Variants in MBP observed in about 807,000 individuals in gnomAD.
The protein encoded by MBP is Golli-MBP.
Under a neutral mutation model 35.8 loss-of-function variants are expected in MBP, and 16 were observed. The observed-to-expected ratio is 0.45, with a 90% confidence interval of 0.30 to 0.68. The LOEUF is 0.68. MBP is among the 30% of genes least tolerant of loss of function. The pLI is 0.08. For missense variants in MBP, 380 were observed against 404.7 expected (o/e 0.94, Z 0.52); for synonymous variants, 143 against 159.6 (o/e 0.90, Z 0.78).
rs1303444190 is a variant in MBP at position 77,132,014 on chromosome 18, G to A, written c.-26+566C>T. Reference sequence around the variant, plus strand: ...GCCCCGGGGGCAGGGGCAGGAGCGCGATCGCGCGCGGGGCCCCCGGGGTGT... The same window carrying A: ...GCCCCGGGGGCAGGGGCAGGAGCGCAATCGCGCGCGGGGCCCCCGGGGTGT... On this transcript the variant is annotated intron_variant, in intron 1 of 8. Coordinates refer to ENST00000355994, the MANE Select transcript of MBP (RefSeq NM_001025101.2). Among the ~76,000 whole-genome samples the A allele has an allele frequency of 3.3e-5, 5 of 152,248 alleles. No individual in the cohort carries two copies. In the East Asian group the frequency reaches 7.8e-4, roughly 24 times the overall value.
At chr18:76,990,500 T>C (rs1015815094) in intron 4 of MBP, among the ~76,000 whole-genome samples, 6 of 152,096 alleles carry the variant, frequency 3.9e-5, no homozygotes, top group Non-Finnish European at 7.4e-5. Flanking sequence ...AGGGATTTGA[T>C]CAGATTTGGA....
chr18:77,084,408 A>C (rs1318253432), intron 2 of MBP, among the ~76,000 whole-genome samples: 23 of 55,786 alleles, frequency 4.1e-4, no homozygotes, highest in Admixed American at 1.4e-3. Flanking sequence ...CCATCACAAC[A>C]CCGCCCCCCC....
intron 2 of MBP, among the ~76,000 whole-genome samples, chr18:77,082,077 C>A (rs570229140): frequency 6.6e-6 from 1 of 151,802 alleles, no homozygotes; most frequent in Non-Finnish European, 1.5e-5. Flanking sequence ...TGGTTTCGAT[C>A]TCCTGACCTT....
In MBP at chr18:76,988,715, T is replaced by A; in HGVS notation, c.717+162A>T. On this transcript the variant is annotated intron_variant, in intron 6 of 8. Transcript: ENST00000355994. This position sits in a 1 kb window ranked among gnomAD's most constrained non-coding sequence, Gnocchi z 5.2. ...GCAGGTGCGGGAGGGACAGGAGGGGTGCATGGATCTGCCGACCTGTTCTAC... is the reference window on the plus strand; with the variant it reads ...GCAGGTGCGGGAGGGACAGGAGGGGAGCATGGATCTGCCGACCTGTTCTAC... 1 of 1,311,496 alleles carries A rather than the reference T, an allele frequency of 7.6e-7. No individual in the cohort carries two copies. Among genetic ancestry groups the A allele is most frequent in the South Asian group, 1.4e-5 (1 of 72,586 alleles). The allele number at this position is 1,311,496 out of a possible 1,614,324, so 81.2% of individuals were successfully genotyped here.
chr18:77,091,809 CACAG>C (rs1190236947), intron 2 of MBP, among the ~76,000 whole-genome samples: 2 of 151,782 alleles, frequency 1.3e-5, no homozygotes, highest in Non-Finnish European at 2.9e-5. Context: ...GTATACACAC[CACAG>C]ACACACACCC....
At chr18:77,023,897 G>A (rs955964327) in intron 3 of MBP, among the ~76,000 whole-genome samples, 3 of 152,202 alleles carry the variant, frequency 2.0e-5, no homozygotes, top group African/African-American at 7.2e-5. Context: ...CTCTCCGAGG[G>A]CCAGGGACCA....
intron 2 of MBP, among the ~76,000 whole-genome samples, chr18:77,087,164 A>G (rs1975272056): frequency 6.6e-6 from 1 of 151,858 alleles, no homozygotes; most frequent in African/African-American, 2.4e-5. Context: ...GGAAAGAGGG[A>G]GGGACTCCTG....
chr18:77,014,736 A>T, intron 4 of MBP: 4 of 985,366 alleles, frequency 4.1e-6, no homozygotes, highest in Non-Finnish European at 4.8e-6. Flanking sequence ...GAGCAATCAC[A>T]TCCCCACTGC....
At chr18:77,057,750 A>G in intron 3 of MBP, among the ~76,000 whole-genome samples, 1 of 152,184 alleles carries the variant, frequency 6.6e-6, no homozygotes, top group African/African-American at 2.4e-5. Flanking sequence ...AAACAAATTT[A>G]AACAAAGATG....
chr18:77,069,583 C>T (rs1974347570), intron 2 of MBP, among the ~76,000 whole-genome samples: 1 of 152,138 alleles, frequency 6.6e-6, no homozygotes, highest in Admixed American at 6.5e-5. Context: ...AGAACAATGC[C>T]GCATCTTAGA....
At chr18:77,081,874 C>T (rs1442323372) in intron 2 of MBP, among the ~76,000 whole-genome samples, 3 of 140,278 alleles carry the variant, frequency 2.1e-5, no homozygotes, top group South Asian at 4.8e-4. Context: ...TTTTTTGAGA[C>T]GGAGTCTCGC....
intron 3 of MBP, among the ~76,000 whole-genome samples, chr18:77,047,380 G>A (rs1254828762): frequency 6.6e-6 from 1 of 152,254 alleles, no homozygotes; most frequent in Non-Finnish European, 1.5e-5. Context: ...AAAGAAGCCA[G>A]CCATAAAACA....
intron 4 of MBP, among the ~76,000 whole-genome samples, chr18:76,994,339 T>C (rs1812315745): frequency 6.6e-6 from 1 of 152,260 alleles, no homozygotes; most frequent in Admixed American, 6.5e-5. Context: ...ATTTCTGGCC[T>C]TTAAATCACT....
intron 7 of MBP, chr18:76,987,653 G>A (rs151093220): frequency 4.4e-5 from 44 of 989,132 alleles, no homozygotes; most frequent in Middle Eastern, 5.2e-4. Context: ...CTGTTCTAGC[G>A]TATGAGAGCA....
At chr18:77,036,463 G>C (rs1371452839) in intron 3 of MBP, among the ~76,000 whole-genome samples, 3 of 127,224 alleles carry the variant, frequency 2.4e-5, no homozygotes, top group African/African-American at 3.3e-5. Context: ...GCAAGTGCTG[G>C]TCACATTTTG....
At chr18:77,012,909 A>G (rs1481466277) in intron 4 of MBP, 1 of 985,360 alleles carries the variant, frequency 1.0e-6, no homozygotes, top group Non-Finnish European at 1.2e-6. Flanking sequence ...CATCAAATAC[A>G]TTCCCATGAT....
At chr18:77,120,947 T>C (rs2145218798) in intron 1 of MBP, among the ~76,000 whole-genome samples, 1 of 152,334 alleles carries the variant, frequency 6.6e-6, no homozygotes, top group Non-Finnish European at 1.5e-5. Flanking sequence ...CTTGAGCAAA[T>C]GCAGTTGTTT....
At chr18:77,037,094 A>G (rs1212719766) in intron 3 of MBP, among the ~76,000 whole-genome samples, 1 of 141,316 alleles carries the variant, frequency 7.1e-6, no homozygotes, top group African/African-American at 2.7e-5. Context: ...CACATTTTGG[A>G]GACAGAGCTG....
chr18:77,092,623 C>T (rs1453656339), intron 2 of MBP, among the ~76,000 whole-genome samples: 1 of 152,166 alleles, frequency 6.6e-6, no homozygotes, highest in Non-Finnish European at 1.5e-5. Context: ...CCTCCCTTCT[C>T]TGGCCTCCCC....
Sources: gnomAD v4.1 joint callset for allele counts (sites outside exome capture counted in the v4.1 genomes callset) on GRCh38, gnomAD v4.1.1 for gene constraint, Gnocchi (gnomAD v3.1) non-coding constraint, MANE v1.5 for transcripts, NCBI Gene and HGNC (gene_info 2026-07-23, HGNC 2026-07-21) for gene names.